The following LRRC7 variants were observed in gnomAD, a reference collection of about 807,000 sequenced individuals.
The protein encoded by LRRC7 is leucine-rich repeat-containing protein 7.
LRRC7 carries 23 observed loss-of-function variants against 175.7 expected under a neutral mutation model. The ratio of observed to expected loss-of-function variants is 0.13; its 90% CI spans 0.09 to 0.19. The LOEUF (loss-of-function observed/expected upper bound fraction) is 0.19. LRRC7 is among the 10% of genes least tolerant of loss of function. The probability of loss-of-function intolerance (pLI) is 1.00; values close to 1 mark genes in which losing one functional copy is unlikely to be tolerated. For missense variants in LRRC7, 1,354 were observed against 1,904.7 expected, an observed-to-expected ratio of 0.71 and a Z score of 5.38; for synonymous variants, 685 against 680.9, an observed-to-expected ratio of 1.01 and a Z score of -0.09.
intron 7 of LRRC7, among the ~76,000 whole-genome samples, chr1:69,922,862 C>T (rs988658286): frequency 4.6e-5 from 7 of 151,338 alleles, no homozygotes; most frequent in Non-Finnish European, 7.4e-5. Flanking sequence ...TCACAATGTG[C>T]AGGTTAGTTA....
In LRRC7 at chr1:70,132,042, CAAAAG is replaced by C. The variant is rs991287123; in HGVS notation, c.*10158_*10162del. On this transcript the variant is annotated 3_prime_UTR_variant, in exon 27 of 27. Coordinates refer to ENST00000651989, the MANE Select transcript of LRRC7 (RefSeq NM_001370785.2). ...ATTAAGGAAGAAAGAATGAGAAAGA[CAAAAG>C]AAGGGCAATAGAGGACTGATACAGA... 2.8e-4 allele frequency among the ~76,000 whole-genome samples: 42 copies of C among 152,004 alleles called. No homozygotes were observed. The highest frequency in any genetic ancestry group is 1.0e-3 in the African/African-American group (42 of 41,388).
At chr1:69,658,497 G>C (rs1488203509) in intron 1 of LRRC7, among the ~76,000 whole-genome samples, 1 of 151,992 alleles carries the variant, frequency 6.6e-6, no homozygotes, top group Non-Finnish European at 1.5e-5. Context: ...CTCCTAGAAG[G>C]TAGGTAAGAA....
chr1:69,946,869 G>A (rs1306418432), intron 8 of LRRC7, among the ~76,000 whole-genome samples: 1 of 151,884 alleles, frequency 6.6e-6, no homozygotes, highest in Non-Finnish European at 1.5e-5. Context: ...CCTGAGGTTG[G>A]GAGTTCAAGA....
intron 7 of LRRC7, among the ~76,000 whole-genome samples, chr1:69,899,205 T>C (rs1646064367): frequency 6.6e-6 from 1 of 152,224 alleles, no homozygotes; most frequent in Non-Finnish European, 1.5e-5. Context: ...TATGAAGTTG[T>C]CTTGTTTTTA....
At chr1:69,817,951 T>G (rs1478644144) in intron 4 of LRRC7, among the ~76,000 whole-genome samples, 1 of 152,140 alleles carries the variant, frequency 6.6e-6, no homozygotes, top group Non-Finnish European at 1.5e-5. Flanking sequence ...AAAATTGACT[T>G]TTAAATGTTG....
intron 7 of LRRC7, among the ~76,000 whole-genome samples, chr1:69,871,305 G>A (rs1218232983): frequency 1.3e-5 from 2 of 151,970 alleles, no homozygotes; most frequent in African/African-American, 4.8e-5. Context: ...CTATATTACT[G>A]TTCTGTTAGA....
intron 3 of LRRC7, among the ~76,000 whole-genome samples, chr1:69,766,494 C>A (rs1407635497): frequency 6.6e-6 from 1 of 152,128 alleles, no homozygotes; most frequent in African/African-American, 2.4e-5. Context: ...TGCCATAAAA[C>A]ACTCAGAGTG....
At chr1:69,698,238 A>T (rs1662863729) in intron 2 of LRRC7, among the ~76,000 whole-genome samples, 1 of 152,188 alleles carries the variant, frequency 6.6e-6, no homozygotes, top group Admixed American at 6.5e-5. Context: ...CCCGTTCTGG[A>T]TTAAAGTGCA....
At chr1:69,964,532 A>G (rs1334028608) in intron 8 of LRRC7, among the ~76,000 whole-genome samples, 1 of 152,214 alleles carries the variant, frequency 6.6e-6, no homozygotes, top group African/African-American at 2.4e-5. Flanking sequence ...TATAGTAAGT[A>G]CCCAATAGAA....
intron 1 of LRRC7, among the ~76,000 whole-genome samples, chr1:69,595,214 G>A (rs539629891): frequency 6.6e-6 from 1 of 152,246 alleles, no homozygotes; most frequent in South Asian, 2.1e-4. Context: ...GAGGTCAAGA[G>A]ATCGAGACCA....
Position 69,663,761 on chromosome 1 carries a change from C to T in LRRC7, c.3-14620C>T, listed in dbSNP as rs531098950. 1.3e-3 allele frequency among the ~76,000 whole-genome samples: 170 copies of T among 131,292 alleles called. 1 individual carries two copies. Among genetic ancestry groups the T allele is most frequent in the Middle Eastern group, 4.6e-3 (1 of 216 alleles). 86.1% of individuals were successfully genotyped at this position (131,292 alleles called of 152,430 possible). A position where few individuals can be genotyped will look rare whatever the true frequency, so the allele number is the denominator to read the frequency against. On this transcript the variant is annotated intron_variant, in intron 1 of 26. Coordinates refer to ENST00000651989, the MANE Select transcript of LRRC7 (RefSeq NM_001370785.2). ...ACGGAGTCTCGCTCTGTCGCCCAGG[C>T]CGGACTGCCGACTGCAGTGGCGCAA... is the stretch of plus-strand genomic sequence containing the variant.
intron 2 of LRRC7, among the ~76,000 whole-genome samples, chr1:69,722,302 G>A (rs995146302): frequency 2.6e-5 from 4 of 151,910 alleles, no homozygotes; most frequent in South Asian, 2.1e-4. Flanking sequence ...GTCGTACATT[G>A]TATTGATTTA....
At chr1:70,085,822 C>T (rs1012784637) in intron 24 of LRRC7, among the ~76,000 whole-genome samples, 4 of 152,112 alleles carry the variant, frequency 2.6e-5, no homozygotes, top group African/African-American at 9.7e-5. Context: ...TGCTATCTAT[C>T]TTCCTCATTA....
intron 2 of LRRC7, among the ~76,000 whole-genome samples, chr1:69,726,873 T>A (rs1381401790): frequency 1.3e-5 from 2 of 152,052 alleles, no homozygotes; most frequent in Non-Finnish European, 2.9e-5. Context: ...GTTAAGATAT[T>A]TGGGGACCTG....
intron 1 of LRRC7, among the ~76,000 whole-genome samples, chr1:69,641,456 A>G (rs1654192911): frequency 6.6e-6 from 1 of 151,556 alleles, no homozygotes; most frequent in African/African-American, 2.4e-5. Flanking sequence ...AAAACTCTAA[A>G]CATTAGCTTT....
At chr1:69,811,612 C>T (rs556891153) in intron 4 of LRRC7, among the ~76,000 whole-genome samples, 2 of 152,224 alleles carry the variant, frequency 1.3e-5, no homozygotes, top group Non-Finnish European at 2.9e-5. Context: ...AAGTTCATGT[C>T]CTTTGCCGGG....
intron 2 of LRRC7, among the ~76,000 whole-genome samples, chr1:69,753,296 A>ATGTGTGTGTG (rs35799015): frequency 6.8e-5 from 10 of 146,236 alleles, no homozygotes; most frequent in African/African-American, 2.6e-4. Flanking sequence ...GTGTGTGTGT[A>ATGTGTGTGTG]TGTGTGTGTG....
chr1:69,806,395 T>A (rs2101117210), intron 4 of LRRC7, among the ~76,000 whole-genome samples: 1 of 152,094 alleles, frequency 6.6e-6, no homozygotes, highest in South Asian at 2.1e-4. Flanking sequence ...AACTTACTGT[T>A]GGCCAAGGTC....
intron 2 of LRRC7, among the ~76,000 whole-genome samples, chr1:69,726,903 T>C (rs146753731): frequency 2.5e-4 from 38 of 152,266 alleles, no homozygotes; most frequent in African/African-American, 8.7e-4. Flanking sequence ...TTTATAACCA[T>C]GTAGGTTAAG....
Sources: gnomAD v4.1 joint callset for allele counts (sites outside exome capture counted in the v4.1 genomes callset) on GRCh38, gnomAD v4.1.1 for gene constraint, MANE v1.5 for transcripts, NCBI Gene and HGNC (gene_info 2026-07-23, HGNC 2026-07-21) for gene names.